RNF185: variants seen among roughly 807,000 people sequenced by gnomAD.
RNF185 encodes E3 ubiquitin-protein ligase RNF185.
Under a neutral mutation model 24.9 loss-of-function variants are expected in RNF185, and 13 were observed. The ratio of observed to expected loss-of-function variants is 0.52; its 90% confidence interval spans 0.34 to 0.83. RNF185 has a LOEUF of 0.83. Among genes scored for constraint, RNF185 ranks in the 40% least tolerant of loss-of-function variants. RNF185 has a pLI of 0.01. For missense variants in RNF185, 184 were observed against 244.7 expected (o/e 0.75, Z 1.65); for synonymous variants, 79 against 90.3 (o/e 0.88, Z 0.71).
At chr22:31,196,852 C>A in intron 4 of RNF185, 84 bp from the exon 5 acceptor site, 1 of 1,570,320 alleles carries the variant, frequency 6.4e-7, no homozygotes, top group South Asian at 1.2e-5. Context: ...GGCCCTGACC[C>A]TGTTGGTAAA....
chr22:31,187,422 T>C (rs775724412), intron 2 of RNF185, 152 bp downstream of exon 2: 15 of 808,432 alleles, frequency 1.9e-5, no homozygotes, highest in Non-Finnish European at 3.0e-5. Flanking sequence ...CCAGCTCTGC[T>C]ACCAATGAGC....
Position 31,187,089 on chromosome 22 carries a change from C to T in RNF185, c.-6C>T. ...TCTTCACTCAGAGCTTCGCTGACAG[C>T]CAAGGATGGCAAGCAAGGGGCCCTC... is the stretch of plus-strand genomic sequence containing the variant. On this transcript the variant is annotated 5_prime_UTR_variant, in exon 2 of 7. Coordinates refer to ENST00000326132, the MANE Select transcript of RNF185 (RefSeq NM_152267.4). The T allele has an allele frequency of 6.2e-7, 1 of 1,604,774 alleles. No homozygotes were observed. Among genetic ancestry groups the T allele is most frequent in the Non-Finnish European group, 8.5e-7 (1 of 1,176,538 alleles).
At chr22:31,190,873 G>A (rs1479210277) in intron 2 of RNF185, among the ~76,000 whole-genome samples, 1 of 152,194 alleles carries the variant, frequency 6.6e-6, no homozygotes, top group Non-Finnish European at 1.5e-5. Context: ...AAAGTGCTGG[G>A]ATTACAGGCA....
At position 31,176,151 on chromosome 22, in the gene RNF185, A is replaced by G. The variant is rs12169399; in HGVS notation, c.-48-10896A>G. Among the ~76,000 whole-genome samples, 1,116 of 152,296 alleles carry G rather than the reference A, an allele frequency of 7.3e-3. 19 individuals carry two copies. Among genetic ancestry groups the G allele is most frequent in the African/African-American group, 0.025 (1,043 of 41,552 alleles). On this transcript the variant is annotated intron_variant, in intron 1 of 6. Transcript: ENST00000326132. ...TTTTTAAAGCTTAAGAAATTTGTCC[A>G]TAAGTCCACTGTCCGGAGACTACTA...
intron 1 of RNF185, among the ~76,000 whole-genome samples, chr22:31,161,035 G>C (rs1205429835): frequency 6.6e-6 from 1 of 152,220 alleles, no homozygotes; most frequent in Non-Finnish European, 1.5e-5. Flanking sequence ...GGAATGGTTA[G>C]CTCAGTAAAG....
chr22:31,200,079 G>T (rs767197574), intron 5 of RNF185, among the ~76,000 whole-genome samples: 1 of 152,156 alleles, frequency 6.6e-6, no homozygotes, highest in Admixed American at 6.5e-5. Flanking sequence ...CATGAAGGCC[G>T]GGCACAGTGG....
At chr22:31,188,216 T>C (rs2048118920) in intron 2 of RNF185, among the ~76,000 whole-genome samples, 1 of 152,196 alleles carries the variant, frequency 6.6e-6, no homozygotes, top group South Asian at 2.1e-4. Context: ...ATGAATATTT[T>C]TGAGCAGAGA....
At chr22:31,202,264 C>G (rs2048270400) in intron 6 of RNF185, among the ~76,000 whole-genome samples, 1 of 152,052 alleles carries the variant, frequency 6.6e-6, no homozygotes, top group Admixed American at 6.6e-5. Flanking sequence ...AGGTGGGTGC[C>G]TTGAACTCTT....
chr22:31,181,716 A>G (rs1441325095), intron 1 of RNF185, among the ~76,000 whole-genome samples: 3 of 152,172 alleles, frequency 2.0e-5, no homozygotes, highest in African/African-American at 4.8e-5. Flanking sequence ...GACGTGGATG[A>G]AGCTGGAAAC....
chr22:31,198,574 T>C (rs1485912791), intron 5 of RNF185, among the ~76,000 whole-genome samples: 1 of 151,596 alleles, frequency 6.6e-6, no homozygotes, highest in Non-Finnish European at 1.5e-5. Flanking sequence ...AATTTTTGTA[T>C]TTTTAGTAGA....
intron 1 of RNF185, among the ~76,000 whole-genome samples, chr22:31,182,537 C>T (rs537021293): frequency 6.6e-6 from 1 of 152,184 alleles, no homozygotes; most frequent in South Asian, 2.1e-4. Context: ...TGAGCTCAAG[C>T]GATCCACCTA....
At chr22:31,198,124 T>G (rs1402877493) in intron 5 of RNF185, among the ~76,000 whole-genome samples, 1 of 152,238 alleles carries the variant, frequency 6.6e-6, no homozygotes, top group African/African-American at 2.4e-5. Flanking sequence ...CTGTAGGCTG[T>G]GCATATGTAT....
chr22:31,200,561 G>A (rs988037791), intron 5 of RNF185, among the ~76,000 whole-genome samples: 1 of 152,178 alleles, frequency 6.6e-6, no homozygotes, highest in African/African-American at 2.4e-5. Flanking sequence ...CAGAGCTCAC[G>A]CTTTAAAAAA....
chr22:31,169,385 C>G (rs1924141848), intron 1 of RNF185, among the ~76,000 whole-genome samples: 1 of 152,090 alleles, frequency 6.6e-6, no homozygotes, highest in Admixed American at 6.6e-5. Context: ...TTTATGAAAT[C>G]CAATTTGTCT....
At chr22:31,194,497 A>G (rs1329888809) in intron 3 of RNF185, among the ~76,000 whole-genome samples, 1 of 152,064 alleles carries the variant, frequency 6.6e-6, no homozygotes. Flanking sequence ...TGGCAGACCA[A>G]GGGAGGAAGA....
Position 31,187,330 on chromosome 22 carries a change from C to A in RNF185, c.176+60C>A, listed in dbSNP as rs1248435183. ...TGCCAAGTTTGGAAAGCCTGTGGCC[C>A]TGGGTGGTTTGGAGCAGAATGCTTC... On this transcript the variant is annotated intron_variant, in intron 2 of 6. Transcript: ENST00000326132. The A allele has an allele frequency of 2.5e-6, 4 of 1,593,430 alleles. No homozygotes were observed. The African/African-American group carries it at 4.0e-5, about 16-fold the overall frequency.
intron 5 of RNF185, among the ~76,000 whole-genome samples, chr22:31,200,013 CA>C (rs2048245075): frequency 1.3e-5 from 2 of 152,122 alleles, no homozygotes; most frequent in South Asian, 4.1e-4. Flanking sequence ...AACCTCTCAT[CA>C]GGGGTGCAGG....
At chr22:31,177,107 T>A (rs950003924) in intron 1 of RNF185, among the ~76,000 whole-genome samples, 2 of 152,184 alleles carry the variant, frequency 1.3e-5, no homozygotes, top group Non-Finnish European at 2.9e-5. Context: ...AATTATGCAC[T>A]TGTTCCTTGT....
rs3068175 is a variant in RNF185, at chr22:31,204,342, C to CAAA, written c.482-135_482-133dup. On this transcript the variant is annotated intron_variant, in intron 6 of 6. Coordinates refer to ENST00000326132, the MANE Select transcript of RNF185 (RefSeq NM_152267.4). The stretch of plus-strand genomic sequence containing the variant: ...TGGGCAACAGAGCGAGACTACATTT[C>CAAA]AAAAAAAAAAAAAAGAAATCTTTTT... The CAAA allele has an allele frequency of 1.5e-3, 713 of 471,438 alleles. No individual in the cohort carries two copies. The East Asian group carries it at 0.019, about 13-fold the overall frequency. The allele number at this position is 471,438 out of a possible 1,614,324, so 29.2% of individuals were successfully genotyped here.
Sources: gnomAD v4.1 joint callset for allele counts (sites outside exome capture counted in the v4.1 genomes callset) on GRCh38, gnomAD v4.1.1 for gene constraint, MANE v1.5 for transcripts, NCBI Gene and HGNC (gene_info 2026-07-23, HGNC 2026-07-21) for gene names.